The following KCNG2 variants were observed in gnomAD, a reference collection of about 807,000 sequenced individuals.
The protein encoded by KCNG2 is voltage-gated potassium channel regulatory subunit KCNG2.
KCNG2 carries 7 observed loss-of-function variants against 12.3 expected under a neutral mutation model. The observed-to-expected ratio is 0.57, with a 90% CI of 0.32 to 1.07. The LOEUF is 1.07. Among genes scored for constraint, KCNG2 ranks in the 50% least tolerant of loss-of-function variants. The probability of loss-of-function intolerance (pLI) is 0.04; values close to 1 mark genes in which losing one functional copy is unlikely to be tolerated. For synonymous variants in KCNG2, 414 were observed against 351.4 expected, an observed-to-expected ratio of 1.18 and a Z score of -1.99; for missense variants, 703 against 726.0, an observed-to-expected ratio of 0.97 and a Z score of 0.36.
At chr18:79,829,206 CTA>C (rs1404044838) in intron 1 of KCNG2, among the ~76,000 whole-genome samples, 61 of 143,002 alleles carry the variant, frequency 4.3e-4, no homozygotes, top group Non-Finnish European at 6.1e-4. Context: ...GTGTGGGTGT[CTA>C]TGTGTGCATG....
chr18:79,898,301 G>A (rs1399452587), intron 3 of KCNG2, among the ~76,000 whole-genome samples: 1 of 152,182 alleles, frequency 6.6e-6, no homozygotes, highest in Non-Finnish European at 1.5e-5. Context: ...CCCTCTCTAG[G>A]AGCTGAGAGC....
chr18:79,879,324 G>T (rs1980201187), intron 3 of KCNG2, among the ~76,000 whole-genome samples: 1 of 152,210 alleles, frequency 6.6e-6, no homozygotes, highest in African/African-American at 2.4e-5. Flanking sequence ...GGGCGTCCAA[G>T]CAGCAGTTTA....
At chr18:79,895,738 T>G (rs191647736) in intron 3 of KCNG2, among the ~76,000 whole-genome samples, 13 of 152,310 alleles carry the variant, frequency 8.5e-5, no homozygotes, top group Admixed American at 2.6e-4. Flanking sequence ...CATTCCCATC[T>G]AATGTTATGA....
At chr18:79,812,314 G>T (rs917151742) in intron 1 of KCNG2, among the ~76,000 whole-genome samples, 1 of 152,178 alleles carries the variant, frequency 6.6e-6, no homozygotes, top group African/African-American at 2.4e-5. Flanking sequence ...CCAGTGCTTA[G>T]ATTAGAAGAG....
intron 3 of KCNG2, among the ~76,000 whole-genome samples, chr18:79,879,636 G>T (rs371415626): frequency 1.3e-5 from 2 of 152,204 alleles, no homozygotes; most frequent in Admixed American, 1.3e-4. Flanking sequence ...GCACCGCTGG[G>T]AGGTTAATCC....
chr18:79,803,138 A>G lies in KCNG2; in HGVS notation c.-115+5124A>G, dbSNP rs536846280. Among the ~76,000 whole-genome samples the G allele has an allele frequency of 6.6e-6, 1 of 152,196 alleles. No homozygotes were observed. The highest frequency in any genetic ancestry group is 2.1e-4 in the South Asian group (1 of 4,834). ...GCTTGCAGTGAGCCGAGATCGCGCC[A>G]CTGCACTCCAGCCTGGGTGACAGAG... On this transcript the variant is annotated intron_variant, in intron 1 of 3. Transcript: ENST00000316249. This position sits in a 1 kb window ranked among gnomAD's most constrained non-coding sequence, Gnocchi z 4.5.
Position 79,884,480 on chromosome 18 carries a change from C to T in KCNG2, c.625-14560C>T, listed in dbSNP as rs1275378873. Among the ~76,000 whole-genome samples the T allele has an allele frequency of 1.3e-5, 2 of 152,190 alleles. No individual in the cohort carries two copies. The highest frequency in any genetic ancestry group is 2.9e-5 in the Non-Finnish European group (2 of 68,030). On this transcript the variant is annotated intron_variant, in intron 3 of 3. Coordinates refer to ENST00000316249, the MANE Select transcript of KCNG2 (RefSeq NM_012283.2). The surrounding 1 kb of genome is among the most constrained non-coding windows in gnomAD (Gnocchi z 5.5). ...TGGTTCCCCCAGTGGGATGGAGCCC[C>T]GGCCACTGGGTCCCCGGGGGAGAGC...
chr18:79,850,845 G>A (rs1231882143), intron 1 of KCNG2, among the ~76,000 whole-genome samples: 1 of 152,172 alleles, frequency 6.6e-6, no homozygotes, highest in Non-Finnish European at 1.5e-5. Context: ...GAACTCAAAC[G>A]CACGTTGCTT....
At chr18:79,838,165 C>T (rs757896847) in intron 1 of KCNG2, among the ~76,000 whole-genome samples, 9 of 152,150 alleles carry the variant, frequency 5.9e-5, no homozygotes, top group Non-Finnish European at 8.8e-5. Flanking sequence ...CACCTCCCAC[C>T]AGGTCCCTCC....
Position 79,821,128 on chromosome 18 carries a change from A to C in KCNG2, c.-115+23114A>C, listed in dbSNP as rs532770298. Among the ~76,000 whole-genome samples the C allele has an allele frequency of 3.9e-5, 6 of 152,270 alleles. No homozygotes were observed. In the East Asian group the frequency reaches 9.6e-4, roughly 24 times the overall value. Reference sequence around the variant, plus strand: ...GCACAGAAGTTTTTAATTTGAATGAAGCTCAGTTGATCTATTTTTATTTTG... The same window carrying C: ...GCACAGAAGTTTTTAATTTGAATGACGCTCAGTTGATCTATTTTTATTTTG... On this transcript the variant is annotated intron_variant, in intron 1 of 3. Transcript: ENST00000316249.
At position 79,800,791 on chromosome 18, in the gene KCNG2, T is replaced by G. The variant is rs1179270785; in HGVS notation, c.-115+2777T>G. On this transcript the variant is annotated intron_variant, in intron 1 of 3. Coordinates refer to ENST00000316249, the MANE Select transcript of KCNG2 (RefSeq NM_012283.2). This position sits in a 1 kb window ranked among gnomAD's most constrained non-coding sequence, Gnocchi z 4.0. ...GGCTCTGCTCACCCACCGGCTGGTT[T>G]GTAGGGACAGGTCTGCTTGGGGAAC... Among the ~76,000 whole-genome samples the G allele has an allele frequency of 6.6e-6, 1 of 152,208 alleles. No individual in the cohort carries two copies. The highest frequency in any genetic ancestry group is 1.5e-5 in the Non-Finnish European group (1 of 68,038).
chr18:79,856,001 A>G (rs1234333048), intron 1 of KCNG2, among the ~76,000 whole-genome samples: 2 of 152,178 alleles, frequency 1.3e-5, no homozygotes, highest in Non-Finnish European at 2.9e-5. Context: ...TTTGCAGAGA[A>G]TGGGGAGGAA....
chr18:79,827,475 A>T lies in KCNG2; in HGVS notation c.-114-28904A>T, dbSNP rs1253917853. On this transcript the variant is annotated intron_variant, in intron 1 of 3. Transcript: ENST00000316249. ...AGTGGGGCAGGGCCTGGGGACTGGT[A>T]GTTTAGCACAGCGGCTCTCAAACTT... is the stretch of plus-strand genomic sequence containing the variant. Among the ~76,000 whole-genome samples, 4 of 152,166 alleles carry T rather than the reference A, an allele frequency of 2.6e-5. No homozygotes were observed. In the South Asian group the frequency reaches 6.2e-4, roughly 24 times the overall value.
chr18:79,867,616 G>A (rs946485471), intron 3 of KCNG2, among the ~76,000 whole-genome samples: 5 of 151,556 alleles, frequency 3.3e-5, no homozygotes, highest in Non-Finnish European at 5.9e-5. Flanking sequence ...CGTGAGCTCC[G>A]GGCCCTGGGC....
Position 79,822,640 on chromosome 18 carries a change from C to T in KCNG2, c.-115+24626C>T, listed in dbSNP as rs571200274. 2.3e-4 allele frequency among the ~76,000 whole-genome samples: 35 copies of T among 152,052 alleles called. No individual in the cohort carries two copies. The highest frequency in any genetic ancestry group is 1.0e-3 in the Admixed American group (16 of 15,278). On this transcript the variant is annotated intron_variant, in intron 1 of 3. Transcript: ENST00000316249. The surrounding 1 kb of genome is among the most constrained non-coding windows in gnomAD (Gnocchi z 4.4). ...AGATGGGGGTCTCGCTGTGTTGCCC[C>T]GGCAGGTCTTGAACTCCTGACCTCA...
chr18:79,884,180 C>T lies in KCNG2; in HGVS notation c.625-14860C>T, dbSNP rs1466380402. Among the ~76,000 whole-genome samples the T allele has an allele frequency of 2.6e-5, 4 of 152,210 alleles. No homozygotes were observed. Among genetic ancestry groups the T allele is most frequent in the Non-Finnish European group, 4.4e-5 (3 of 68,022 alleles). On this transcript the variant is annotated intron_variant, in intron 3 of 3. Transcript: ENST00000316249. The surrounding 1 kb of genome is among the most constrained non-coding windows in gnomAD (Gnocchi z 5.5). ...GAAGCCAGAGCTCAGCTCCCCAGCACAGCACAGAAGCTGCAGGGGCTCCGT... is the reference window on the plus strand; with the variant it reads ...GAAGCCAGAGCTCAGCTCCCCAGCATAGCACAGAAGCTGCAGGGGCTCCGT...
chr18:79,887,704 G>A lies in KCNG2; in HGVS notation c.625-11336G>A, dbSNP rs549030551. On this transcript the variant is annotated intron_variant, in intron 3 of 3. Transcript: ENST00000316249. Reference sequence around the variant, plus strand: ...GCCTAGGCCCCTGAGCTCTGGCCACGAGCCTCCTGCACCCGGACACGTTGC... The same window carrying A: ...GCCTAGGCCCCTGAGCTCTGGCCACAAGCCTCCTGCACCCGGACACGTTGC... Among the ~76,000 whole-genome samples, 30 of 152,292 alleles carry A rather than the reference G, an allele frequency of 2.0e-4. 1 individual carries two copies. In the East Asian group the frequency reaches 4.8e-3, roughly 25 times the overall value.
intron 2 of KCNG2, 71 bp from the exon 3 acceptor site, chr18:79,863,557 G>A (rs1391312494): frequency 4.5e-6 from 5 of 1,104,196 alleles, no homozygotes; most frequent in East Asian, 9.0e-5. Context: ...CCCGGCCCCT[G>A]GATCCCCGCG....
chr18:79,897,157 CAT>C (rs1981007623), intron 3 of KCNG2, among the ~76,000 whole-genome samples: 2 of 151,738 alleles, frequency 1.3e-5, no homozygotes, highest in Non-Finnish European at 2.9e-5. Context: ...TATCTCTCTG[CAT>C]AGTTTTTCTT....
Sources: gnomAD v4.1 joint callset for allele counts (sites outside exome capture counted in the v4.1 genomes callset) on GRCh38, gnomAD v4.1.1 for gene constraint, Gnocchi (gnomAD v3.1) non-coding constraint, MANE v1.5 for transcripts, NCBI Gene and HGNC (gene_info 2026-07-23, HGNC 2026-07-21) for gene names.